The following CSNK1G1 variants were observed in gnomAD, a reference collection of about 807,000 sequenced individuals.
CSNK1G1 encodes the protein casein kinase 1 gamma 1.
CSNK1G1 carries 22 observed loss-of-function variants against 59.6 expected under a neutral mutation model. That is an observed-to-expected ratio of 0.37 (90% CI 0.26 to 0.53). CSNK1G1 has a LOEUF of 0.53. CSNK1G1 is among the 20% of genes least tolerant of loss of function. The pLI is 0.89. For synonymous variants in CSNK1G1, 179 were observed against 177.1 expected, an observed-to-expected ratio of 1.01 and a Z score of -0.08; for missense variants, 384 against 519.5, an observed-to-expected ratio of 0.74 and a Z score of 2.54.
chr15:64,355,465 G>A (rs1041605502), intron 1 of CSNK1G1, among the ~76,000 whole-genome samples: 4 of 152,232 alleles, frequency 2.6e-5, no homozygotes, highest in Non-Finnish European at 4.4e-5. Context: ...GCGTACGGAA[G>A]TTGGGTAGAG....
At chr15:64,299,517 G>C (rs1464884167) in intron 2 of CSNK1G1, among the ~76,000 whole-genome samples, 2 of 151,668 alleles carry the variant, frequency 1.3e-5, no homozygotes, top group African/African-American at 4.8e-5. Flanking sequence ...GCATGAACCC[G>C]GGAGGCAGAG....
chr15:64,187,812 A>C (rs1467626875), intron 10 of CSNK1G1, among the ~76,000 whole-genome samples: 1 of 152,244 alleles, frequency 6.6e-6, no homozygotes, highest in Non-Finnish European at 1.5e-5. Context: ...TTCTAGTACT[A>C]AACAGAAAAA....
chr15:64,278,373 TGTGC>T, intron 2 of CSNK1G1, among the ~76,000 whole-genome samples: 1 of 134,508 alleles, frequency 7.4e-6, no homozygotes, highest in African/African-American at 2.8e-5. Context: ...TATGCATGTA[TGTGC>T]GTGTGTGTGT....
intron 4 of CSNK1G1, among the ~76,000 whole-genome samples, chr15:64,251,016 A>G (rs201373961): frequency 6.6e-6 from 1 of 152,192 alleles, no homozygotes; most frequent in East Asian, 1.9e-4. Context: ...TAATTTTTAA[A>G]AATTGCCGAA....
chr15:64,229,651 G>C (rs1282345661), intron 4 of CSNK1G1, among the ~76,000 whole-genome samples: 1 of 151,938 alleles, frequency 6.6e-6, no homozygotes, highest in Non-Finnish European at 1.5e-5. Context: ...AGAAAGAAGA[G>C]GTGAGAAAAA....
rs575268415 is a variant in CSNK1G1, at chr15:64,215,402, TG to T, written c.444+1159del. 2.6e-5 allele frequency among the ~76,000 whole-genome samples: 4 copies of T among 151,912 alleles called. No homozygotes were observed. In the South Asian group the frequency reaches 6.2e-4, roughly 24 times the overall value. ...TAATTTTTTGTATTTTTAGTAGAGA[TG>T]GGGTTTCACTGCGTTAGCCAGGATG... is the stretch of plus-strand genomic sequence containing the variant. On this transcript the variant is annotated intron_variant, in intron 5 of 11. Transcript: ENST00000303052.
chr15:64,293,698 G>T (rs1211919801), intron 2 of CSNK1G1, among the ~76,000 whole-genome samples: 1 of 152,200 alleles, frequency 6.6e-6, no homozygotes, highest in Non-Finnish European at 1.5e-5. Flanking sequence ...GGTGAGCAGT[G>T]GGTAAGCAAG....
chr15:64,200,788 C>T lies in CSNK1G1; in HGVS notation c.1107+2294G>A, dbSNP rs2082096654. 6.6e-6 allele frequency among the ~76,000 whole-genome samples: 1 copy of T among 152,156 alleles called. No homozygotes were observed. The highest frequency in any genetic ancestry group is 6.5e-5 in the Admixed American group (1 of 15,280). Reference sequence around the variant, plus strand: ...CCGTCCAGCTCACTTTACTATAACCCAGTTTATTCAATAAAGGATGTGAAG... The same window carrying T: ...CCGTCCAGCTCACTTTACTATAACCTAGTTTATTCAATAAAGGATGTGAAG... On this transcript the variant is annotated intron_variant, in intron 10 of 11. Transcript: ENST00000303052. The surrounding 1 kb of genome is among the most constrained non-coding windows in gnomAD (Gnocchi z 4.3).
intron 10 of CSNK1G1, among the ~76,000 whole-genome samples, chr15:64,183,776 C>A (rs1412388925): frequency 1.3e-5 from 2 of 149,106 alleles, no homozygotes; most frequent in Non-Finnish European, 3.0e-5. Context: ...CGCTCTGTTG[C>A]CCAGGCTGCA....
At chr15:64,303,543 G>C (rs1224172731) in intron 1 of CSNK1G1, among the ~76,000 whole-genome samples, 1 of 151,912 alleles carries the variant, frequency 6.6e-6, no homozygotes, top group Non-Finnish European at 1.5e-5. Flanking sequence ...CCTGAGGTCA[G>C]GAGTTCAAGA....
intron 2 of CSNK1G1, 150 bp downstream of exon 2, chr15:64,300,169 T>C (rs1383161361): frequency 2.8e-6 from 2 of 707,794 alleles, no homozygotes; most frequent in Non-Finnish European, 4.9e-6. Flanking sequence ...TGATAATGAC[T>C]ATAGTGCCCC....
chr15:64,208,328 T>C (rs532962661), intron 6 of CSNK1G1, among the ~76,000 whole-genome samples: 3 of 152,186 alleles, frequency 2.0e-5, no homozygotes, highest in East Asian at 1.9e-4. Context: ...TGAGACCTCA[T>C]CCCAAAACAA....
chr15:64,277,075 T>C (rs1000083322), intron 2 of CSNK1G1, among the ~76,000 whole-genome samples: 6 of 152,146 alleles, frequency 3.9e-5, no homozygotes, highest in Admixed American at 2.0e-4. Flanking sequence ...ACTTGATCAT[T>C]AGACAAAATA....
intron 10 of CSNK1G1, chr15:64,189,354 C>A (rs2081940087): frequency 1.7e-6 from 2 of 1,208,074 alleles, no homozygotes; most frequent in African/African-American, 1.6e-5. Flanking sequence ...CTTTTTACAT[C>A]TGCTACTATT....
chr15:64,207,447 G>A (rs1424240846), intron 7 of CSNK1G1, 62 bp downstream of exon 7: 1 of 1,239,948 alleles, frequency 8.1e-7, no homozygotes, highest in Non-Finnish European at 1.2e-6. Context: ...TGAAGCCAGA[G>A]GCTCCTTCAT....
At chr15:64,252,054 T>TA (rs1740303665) in intron 3 of CSNK1G1, among the ~76,000 whole-genome samples, 2 of 151,928 alleles carry the variant, frequency 1.3e-5, no homozygotes, top group South Asian at 4.1e-4. Context: ...CCTGTCACTT[T>TA]AAAGAGAGGC....
chr15:64,191,395 G>A (rs2081968638), intron 10 of CSNK1G1, among the ~76,000 whole-genome samples: 1 of 152,056 alleles, frequency 6.6e-6, no homozygotes, highest in South Asian at 2.1e-4. Context: ...ATAGAAAATG[G>A]CTGGAAATGT....
At chr15:64,349,750 T>A (rs985898883) in intron 1 of CSNK1G1, among the ~76,000 whole-genome samples, 4 of 152,062 alleles carry the variant, frequency 2.6e-5, no homozygotes, top group African/African-American at 9.7e-5. Context: ...TACAGTTTAG[T>A]AACCCAAAAG....
rs975767481 is a variant in CSNK1G1 at position 64,300,675 on chromosome 15, G to A, written c.-176C>T. ...GATGAAAAACCATTTATTTGTTCCC[G>A]TAGGAAATGTAGTCACTAGGTCTCA... On this transcript the variant is annotated 5_prime_UTR_variant, in exon 2 of 12. In the 5' UTR this introduces an upstream ATG that the reference lacks. Coordinates refer to ENST00000303052, the MANE Select transcript of CSNK1G1 (RefSeq NM_022048.5). The A allele has an allele frequency of 5.5e-6, 7 of 1,277,312 alleles. No individual in the cohort carries two copies. Among genetic ancestry groups the A allele is most frequent in the South Asian group, 3.1e-5 (1 of 32,038 alleles). The allele number at this position is 1,277,312 out of a possible 1,614,324, so 79.1% of individuals were successfully genotyped here. A position where few individuals can be genotyped will look rare whatever the true frequency, so the allele number is the denominator to read the frequency against.
Sources: gnomAD v4.1 joint callset for allele counts (sites outside exome capture counted in the v4.1 genomes callset) on GRCh38, gnomAD v4.1.1 for gene constraint, Gnocchi (gnomAD v3.1) non-coding constraint, MANE v1.5 for transcripts, NCBI Gene and HGNC (gene_info 2026-07-23, HGNC 2026-07-21) for gene names.